XYLT1: variants seen among roughly 807,000 people sequenced by gnomAD.
XYLT1 encodes beta-D-xylosyltransferase 1.
Under a neutral mutation model 91.3 loss-of-function variants are expected in XYLT1, and 36 were observed. The ratio of observed to expected loss-of-function variants is 0.39; its 90% confidence interval spans 0.30 to 0.52. XYLT1 has a LOEUF of 0.52. Ranked by LOEUF, XYLT1 falls within the 20% of genes least tolerant of loss-of-function variation. The probability of loss-of-function intolerance (pLI) is 0.68; values close to 1 mark genes in which losing one functional copy is unlikely to be tolerated. For synonymous variants in XYLT1, 588 were observed against 532.0 expected, an observed-to-expected ratio of 1.11 and a Z score of -1.45; for missense variants, 1,242 against 1,284.5, an observed-to-expected ratio of 0.97 and a Z score of 0.51.
chr16:17,422,567 T>C (rs2036262945), intron 1 of XYLT1, among the ~76,000 whole-genome samples: 1 of 152,166 alleles, frequency 6.6e-6, no homozygotes, highest in Admixed American at 6.5e-5. Context: ...TGGAGTGCAG[T>C]AGTGCGATCT....
At chr16:17,359,039 G>A (rs2035345790) in intron 1 of XYLT1, among the ~76,000 whole-genome samples, 1 of 152,188 alleles carries the variant, frequency 6.6e-6, no homozygotes, top group Non-Finnish European at 1.5e-5. Flanking sequence ...GGTACAGGAG[G>A]AGGAAAAGAC....
intron 1 of XYLT1, among the ~76,000 whole-genome samples, chr16:17,408,092 T>A (rs1047701521): frequency 6.6e-6 from 1 of 152,180 alleles, no homozygotes; most frequent in Non-Finnish European, 1.5e-5. Context: ...ACAAACCAAA[T>A]AAACTTTCTT....
chr16:17,447,189 A>G (rs767625021), intron 1 of XYLT1, among the ~76,000 whole-genome samples: 50 of 152,166 alleles, frequency 3.3e-4, no homozygotes, highest in Admixed American at 1.2e-3. Context: ...CCTGCTATTT[A>G]TTTCCTCTCT....
chr16:17,360,901 T>A (rs1004862299), intron 1 of XYLT1, among the ~76,000 whole-genome samples: 31 of 152,218 alleles, frequency 2.0e-4, no homozygotes, highest in Admixed American at 1.2e-3. Context: ...TTTAGAATCT[T>A]AATGCCGGTA....
intron 3 of XYLT1, among the ~76,000 whole-genome samples, chr16:17,241,280 C>T (rs1263297417): frequency 6.6e-6 from 1 of 152,118 alleles, no homozygotes; most frequent in African/African-American, 2.4e-5. Flanking sequence ...GAGAGGGAGG[C>T]CTGGATAACC....
intron 1 of XYLT1, among the ~76,000 whole-genome samples, chr16:17,387,286 G>C (rs1221835984): frequency 6.6e-6 from 1 of 152,194 alleles, no homozygotes; most frequent in Non-Finnish European, 1.5e-5. Context: ...GAGGCAAAGA[G>C]AGAAAGAACA....
chr16:17,132,460 G>A (rs1177962483), intron 9 of XYLT1, among the ~76,000 whole-genome samples: 1 of 149,568 alleles, frequency 6.7e-6, no homozygotes, highest in African/African-American at 2.6e-5. Context: ...CACACAGCAG[G>A]TTCACTGTTG....
intron 6 of XYLT1, among the ~76,000 whole-genome samples, chr16:17,142,431 ATTTTTTTT>A (rs71137975): frequency 1.6e-5 from 2 of 122,746 alleles, no homozygotes; most frequent in Admixed American, 8.9e-5. Flanking sequence ...AAATCCTGTA[ATTTTTTTT>A]TTTTTTTTTT....
chr16:17,458,333 T>C (rs1397397706), intron 1 of XYLT1, among the ~76,000 whole-genome samples: 3 of 152,220 alleles, frequency 2.0e-5, no homozygotes, highest in Non-Finnish European at 2.9e-5. Context: ...GCTAATTTCA[T>C]GTCCAACACT....
At chr16:17,362,284 C>T (rs2035395249) in intron 1 of XYLT1, among the ~76,000 whole-genome samples, 1 of 151,912 alleles carries the variant, frequency 6.6e-6, no homozygotes, top group South Asian at 2.1e-4. Context: ...AGGTAGCGGA[C>T]ATGGTTGATA....
intron 3 of XYLT1, among the ~76,000 whole-genome samples, chr16:17,239,789 G>A (rs1283333934): frequency 1.3e-5 from 2 of 150,828 alleles, no homozygotes; most frequent in African/African-American, 4.9e-5. Flanking sequence ...CCACCCACTC[G>A]CTCAGCCAGT....
chr16:17,309,282 A>C (rs1449916199), intron 2 of XYLT1, among the ~76,000 whole-genome samples: 2 of 152,140 alleles, frequency 1.3e-5, no homozygotes, highest in Non-Finnish European at 2.9e-5. Flanking sequence ...GTAACAACTA[A>C]AAAAATGTCT....
At chr16:17,349,314 C>G (rs2035188283) in intron 2 of XYLT1, among the ~76,000 whole-genome samples, 1 of 152,184 alleles carries the variant, frequency 6.6e-6, no homozygotes, top group African/African-American at 2.4e-5. Flanking sequence ...GATATCAAAT[C>G]TCTATGTCAA....
In XYLT1 at chr16:17,366,800, A is replaced by T. The variant is rs544586258; in HGVS notation, c.364-8750T>A. 2.6e-5 allele frequency among the ~76,000 whole-genome samples: 4 copies of T among 152,196 alleles called. No individual in the cohort carries two copies. The East Asian group carries it at 7.7e-4, about 29-fold the overall frequency. On this transcript the variant is annotated intron_variant, in intron 1 of 11. Transcript: ENST00000261381. ...GTAATTGAGGCTCAAAGGAGAAGTA[A>T]TTTTTTCAAACTCATTCATTAGTGG...
chr16:17,395,333 C>T (rs1284357644), intron 1 of XYLT1, among the ~76,000 whole-genome samples: 2 of 151,966 alleles, frequency 1.3e-5, no homozygotes, highest in South Asian at 2.1e-4. Flanking sequence ...TCATATCAAC[C>T]CCCACCCACA....
intron 6 of XYLT1, among the ~76,000 whole-genome samples, chr16:17,142,403 TATC>T (rs2031002939): frequency 6.6e-6 from 1 of 151,326 alleles, no homozygotes; most frequent in Admixed American, 6.6e-5. Context: ...AATAACAAGA[TATC>T]ATGGCAGGTC....
At chr16:17,452,055 T>C (rs966343776) in intron 1 of XYLT1, among the ~76,000 whole-genome samples, 2 of 152,158 alleles carry the variant, frequency 1.3e-5, no homozygotes, top group African/African-American at 4.8e-5. Flanking sequence ...TGGTGCCTCC[T>C]GCTACTGACA....
intron 5 of XYLT1, among the ~76,000 whole-genome samples, chr16:17,184,635 G>A (rs552885122): frequency 3.0e-4 from 46 of 152,254 alleles, no homozygotes; most frequent in Middle Eastern, 3.4e-3. Context: ...TGTGGCTAAC[G>A]GCTACCATAC....
chr16:17,220,398 G>A (rs2032944479), intron 3 of XYLT1, among the ~76,000 whole-genome samples: 1 of 152,190 alleles, frequency 6.6e-6, no homozygotes, highest in South Asian at 2.1e-4. Context: ...TAACACACTT[G>A]AGAGAAGCAG....
Sources: gnomAD v4.1 joint callset for allele counts (sites outside exome capture counted in the v4.1 genomes callset) on GRCh38, gnomAD v4.1.1 for gene constraint, MANE v1.5 for transcripts, NCBI Gene and HGNC (gene_info 2026-07-23, HGNC 2026-07-21) for gene names.